TSC1: variants seen among roughly 807,000 people sequenced by gnomAD.
TSC1 encodes TSC complex subunit 1.
TSC1 carries 20 observed loss-of-function variants against 124.3 expected under a neutral mutation model. That is an observed-to-expected ratio of 0.16 (90% CI 0.11 to 0.23). TSC1 has a LOEUF of 0.23. TSC1 is among the 10% of genes least tolerant of loss of function. The probability of loss-of-function intolerance (pLI) is 1.00; values close to 1 mark genes in which losing one functional copy is unlikely to be tolerated. For synonymous variants in TSC1, 493 were observed against 539.1 expected (o/e 0.91, Z 1.19); for missense variants, 1,124 against 1,448.5 (o/e 0.78, Z 3.64).
At chr9:132,925,793 CAAAT>C (rs1202876021) in intron 4 of TSC1, 54 bp from the exon 5 acceptor site, 16 of 1,598,564 alleles carry the variant, frequency 1.0e-5, no homozygotes, top group Middle Eastern at 1.7e-4. Flanking sequence ...GAAGTTAACA[CAAAT>C]AAAGACAGCA....
At position 132,901,908 on chromosome 9, in the gene TSC1, C is replaced by G. The variant is rs932804618; in HGVS notation, c.2392-209G>C. The G allele has an allele frequency of 1.6e-5, 9 of 558,104 alleles. No homozygotes were observed. The South Asian group carries it at 1.8e-4, about 11-fold the overall frequency. The allele number at this position is 558,104 out of a possible 1,614,324, so 34.6% of individuals were successfully genotyped here. On this transcript the variant is annotated intron_variant, in intron 18 of 22. Coordinates refer to ENST00000298552, the MANE Select transcript of TSC1 (RefSeq NM_000368.5). ...CTGTTTAACAAAAGAAAAAAAGAGA[C>G]CTTAGATCCTCAGTTCCCAAACTGT...
In TSC1 at chr9:132,894,960, A is replaced by C. The variant is rs2809244; in HGVS notation, c.*1275T>G. The C allele has an allele frequency of 0.74, 172,093 of 231,700 alleles. 63,968 individuals carry two copies. The highest frequency in any genetic ancestry group is 0.78 in the South Asian group (4,307 of 5,516). 14.4% of individuals were successfully genotyped at this position (231,700 alleles called of 1,614,324 possible). A position where few individuals can be genotyped will look rare whatever the true frequency, so the allele number is the denominator to read the frequency against. ...GAGTTTGGATTCTCTGCCACTGCCAATTTTCTGACTAGTGTCATCTCTCGG... is the reference window on the plus strand; with the variant it reads ...GAGTTTGGATTCTCTGCCACTGCCACTTTTCTGACTAGTGTCATCTCTCGG... On this transcript the variant is annotated 3_prime_UTR_variant, in exon 23 of 23. Transcript: ENST00000298552.
chr9:132,943,503 A>G (rs1399888831), intron 1 of TSC1: 1 of 152,218 alleles, frequency 6.6e-6, no homozygotes. Context: ...TAAATTTAAG[A>G]GTCATATCTT....
At chr9:132,901,461 G>T in intron 19 of TSC1, 128 bp downstream of exon 19, 1 of 887,790 alleles carries the variant, frequency 1.1e-6, no homozygotes, top group Non-Finnish European at 1.9e-6. Context: ...TATGGGGGCA[G>T]CAGAACCACT....
At position 132,906,570 on chromosome 9, in the gene TSC1, G is replaced by T; in HGVS notation, c.1438+161C>A. ...TCTCAAAAAAAAAAAAAAAAAAAGTGGCATCACTTTACCTGGCATAGGTCC... is the reference window on the plus strand; with the variant it reads ...TCTCAAAAAAAAAAAAAAAAAAAGTTGCATCACTTTACCTGGCATAGGTCC... On this transcript the variant is annotated intron_variant, in intron 14 of 22. Coordinates refer to ENST00000298552, the MANE Select transcript of TSC1 (RefSeq NM_000368.5). This position sits in a 1 kb window ranked among gnomAD's most constrained non-coding sequence, Gnocchi z 4.1. 3.3e-6 allele frequency: 2 copies of T among 605,494 alleles called. No individual in the cohort carries two copies. The allele number at this position is 605,494 out of a possible 1,614,324, so 37.5% of individuals were successfully genotyped here.
chr9:132,911,481 G>A lies in TSC1; in HGVS notation c.1001C>T (p.Ser334Leu), dbSNP rs118203481. ...TGGTGGTTCAGTTATCAGCCGTGTC[G>A]ATGGGGAACTCAGAGTCTGAGGTAG... ...GQLPQTLSSP[S>L]TRLITEPPQA... The change falls in exon 10 of 23, where the codon TCG (serine) becomes TTG (leucine). Residue 334 changes from serine (S) to leucine (L), a missense_variant. Coordinates refer to ENST00000298552, the MANE Select transcript of TSC1 (RefSeq NM_000368.5). 392 of 1,613,700 alleles carry A rather than the reference G, an allele frequency of 2.4e-4. 2 individuals carry two copies. Among genetic ancestry groups the A allele is most frequent in the South Asian group, 2.4e-3 (217 of 91,066 alleles).
intron 2 of TSC1, chr9:132,931,276 G>C (rs531736561): frequency 1.3e-5 from 2 of 152,080 alleles, no homozygotes; most frequent in Admixed American, 6.6e-5. Flanking sequence ...TGTCATATCT[G>C]GTCCTCCAAA....
At chr9:132,918,137 G>T (rs1385064419) in intron 8 of TSC1, among the ~76,000 whole-genome samples, 3 of 152,190 alleles carry the variant, frequency 2.0e-5, no homozygotes, top group Non-Finnish European at 4.4e-5. Flanking sequence ...CTACAGTAAA[G>T]ACTTCTTTGT....
At chr9:132,905,056 C>T (rs1237615960) in intron 15 of TSC1, among the ~76,000 whole-genome samples, 4 of 152,162 alleles carry the variant, frequency 2.6e-5, no homozygotes, top group Non-Finnish European at 5.9e-5. Context: ...AACCGTTTCT[C>T]AGCTAGAGTC....
rs566430298 is a variant in TSC1, at chr9:132,896,653, G to A, written c.3077C>T (p.Ala1026Val). Residue 1026 changes from alanine to valine, a missense_variant, in exon 23 of 23, where the codon GCC (alanine) becomes GTC (valine). Ala to Val is a moderately conservative substitution (Grantham distance 64). Around this residue, in one of 5 missense-constraint regions of TSC1, gnomAD observed 325 missense variants for 383.4 expected, o/e 0.85. Transcript: ENST00000298552. This position sits in a 1 kb window ranked among gnomAD's most constrained non-coding sequence, Gnocchi z 4.5. ...ACCTCTGCTTCCACTACTGCCCCGG[G>A]CGCTGCTGGGCCTGGGGGTCTTGGT... ...GETKTPRPSS[A>V]RGSSGSRGGG... The A allele has an allele frequency of 6.2e-7, 1 of 1,614,018 alleles. No homozygotes were observed. The highest frequency in any genetic ancestry group is 2.2e-5 in the East Asian group (1 of 44,874).
At position 132,906,890 on chromosome 9, in the gene TSC1, GT is replaced by G; in HGVS notation, c.1334-56del. 1 of 1,372,560 alleles carries G rather than the reference GT, an allele frequency of 7.3e-7. No homozygotes were observed. The highest frequency in any genetic ancestry group is 1.0e-6 in the Non-Finnish European group (1 of 963,314). The allele number at this position is 1,372,560 out of a possible 1,614,324, so 85.0% of individuals were successfully genotyped here. ...AAGAAATACAGTGTAATCCCTGTAA[GT>G]GTAAAACTGCTTACACTGTATAGAA... On this transcript the variant is annotated intron_variant, in intron 13 of 22. Transcript: ENST00000298552. The surrounding 1 kb of genome is among the most constrained non-coding windows in gnomAD (Gnocchi z 4.1).
At chr9:132,918,166 AAGG>A in intron 8 of TSC1, among the ~76,000 whole-genome samples, 2 of 152,334 alleles carry the variant, frequency 1.3e-5, no homozygotes, top group South Asian at 4.1e-4. Context: ...ATAAACCCAC[AAGG>A]AGGAGAACAG....
Position 132,904,449 on chromosome 9 carries a change from G to A in TSC1, c.2003C>T (p.Pro668Leu), listed in dbSNP as rs772603060. The A allele has an allele frequency of 1.2e-6, 2 of 1,613,972 alleles. No homozygotes were observed. The highest frequency in any genetic ancestry group is 2.2e-5 in the South Asian group (2 of 91,074). The change falls in exon 16 of 23, where the codon CCT becomes CTT. Residue 668 changes from proline to leucine, a missense_variant. Physicochemically the swap from Pro to Leu is moderately conservative, Grantham distance 98. Around this residue, in one of 5 missense-constraint regions of TSC1, gnomAD observed 321 missense variants for 397.4 expected, o/e 0.81. Transcript: ENST00000298552. ...DAHSKELNKL[P>L]LPSKSVDWTH... The stretch of plus-strand genomic sequence containing the variant: ...CCAGTCGACAGACTTGCTGGGTAAA[G>A]GCAACCTAGGAAGAAAGTTTTTGAG...
In TSC1 at chr9:132,917,433, C is replaced by T. The variant is rs1406210616; in HGVS notation, c.737+3930G>A. Among the ~76,000 whole-genome samples, 9 of 152,266 alleles carry T rather than the reference C, an allele frequency of 5.9e-5. No individual in the cohort carries two copies. In the South Asian group the frequency reaches 1.5e-3, roughly 25 times the overall value. The stretch of plus-strand genomic sequence containing the variant: ...GCAACCTCTGCCTCCTGGGTTCAAA[C>T]GATTCTCCTGCCTCAGCCTCCCAAG... On this transcript the variant is annotated intron_variant, in intron 8 of 22. Transcript: ENST00000298552.
chr9:132,940,470 C>T (rs1847676326), intron 1 of TSC1, among the ~76,000 whole-genome samples: 1 of 152,114 alleles, frequency 6.6e-6, no homozygotes. Context: ...ACACACCTTC[C>T]CACCACCACC....
chr9:132,944,401 C>T (rs1046923694), intron 1 of TSC1, 142 bp downstream of exon 1: 10 of 393,818 alleles, frequency 2.5e-5, no homozygotes, highest in Non-Finnish European at 4.5e-6. Context: ...GAGAGCTCTC[C>T]GAACCCCCCT....
upstream of TSC1, chr9:132,944,863 A>C: frequency 5.7e-6 from 2 of 352,914 alleles, no homozygotes; most frequent in African/African-American, 2.1e-5. Context: ...CTGCGAAGAG[A>C]TCTTGTGACT....
rs750886491 is a variant in TSC1 at position 132,897,264 on chromosome 9, T to C, written c.2895A>G (p.Leu965=). The change falls in exon 22 of 23, where the codon TTA becomes TTG. Residue 965 remains leucine (L), a synonymous_variant. Transcript: ENST00000298552. ...TQVFELEILD[L]YGRLEKDGLL... is the part of the protein sequence containing the mutation. ...GGCCATCTTTCTCCAACCTGCCATA[T>C]AAATCTAAGATCTCCAATTCAAACA... is the stretch of plus-strand genomic sequence containing the variant. The C allele has an allele frequency of 6.2e-7, 1 of 1,614,254 alleles. No homozygotes were observed. Among genetic ancestry groups the C allele is most frequent in the Non-Finnish European group, 8.5e-7 (1 of 1,180,048 alleles).
intron 4 of TSC1, chr9:132,926,116 G>A: frequency 3.4e-6 from 1 of 291,112 alleles, no homozygotes; most frequent in South Asian, 3.6e-5. Context: ...ACATGGTTTG[G>A]CCTCAAGTAT....
Sources: gnomAD v4.1 joint callset for allele counts (sites outside exome capture counted in the v4.1 genomes callset) on GRCh38, gnomAD v4.1.1 for gene constraint, gnomAD v4.1.1 regional missense constraint, Gnocchi (gnomAD v3.1) non-coding constraint, MANE v1.5 for transcripts, NCBI Gene and HGNC (gene_info 2026-07-23, HGNC 2026-07-21) for gene names.